CHRM3: variants seen among roughly 807,000 people sequenced by gnomAD.
CHRM3 encodes the protein muscarinic acetylcholine receptor M3.
A neutral mutation model predicts 41.8 loss-of-function variants in CHRM3; 11 were observed. The observed-to-expected ratio is 0.26, with a 90% confidence interval of 0.17 to 0.44. The LOEUF is 0.44. CHRM3 is among the 20% of genes least tolerant of loss of function. CHRM3 has a pLI of 1.00. For synonymous variants in CHRM3, 297 were observed against 301.4 expected, an observed-to-expected ratio of 0.99 and a Z score of 0.15; for missense variants, 571 against 745.4, an observed-to-expected ratio of 0.77 and a Z score of 2.72.
At position 239,910,442 on chromosome 1, in the gene CHRM3, A is replaced by G. The variant is rs1324848976; in HGVS notation, c.*1218A>G. 6.0e-6 allele frequency: 1 copy of G among 166,552 alleles called. No homozygotes were observed. The highest frequency in any genetic ancestry group is 2.4e-5 in the African/African-American group (1 of 41,312). The allele number at this position is 166,552 out of a possible 1,614,324, so 10.3% of individuals were successfully genotyped here. On this transcript the variant is annotated 3_prime_UTR_variant, in exon 7 of 7. Transcript: ENST00000676153. ...GAAAATAGGGCTTGCACCTTTGTTA[A>G]TCAGCTGTGGCCAGTGCTTTCTGGT...
At chr1:239,688,099 T>G (rs983478131) in intron 5 of CHRM3, among the ~76,000 whole-genome samples, 3 of 151,886 alleles carry the variant, frequency 2.0e-5, no homozygotes, top group African/African-American at 7.2e-5. Flanking sequence ...GGAGTTTTGA[T>G]ACTTTGTTAC....
chr1:239,486,833 G>A (rs540486527), intron 1 of CHRM3, among the ~76,000 whole-genome samples: 21 of 152,252 alleles, frequency 1.4e-4, no homozygotes, highest in Admixed American at 8.5e-4. Flanking sequence ...CTACTGCTGC[G>A]TACGGTAATG....
chr1:239,706,527 T>A (rs1661178544), intron 5 of CHRM3: 1 of 152,136 alleles, frequency 6.6e-6, no homozygotes, highest in South Asian at 2.1e-4. Flanking sequence ...CTCTCGGCAC[T>A]GCCCCCTCTT....
intron 4 of CHRM3, among the ~76,000 whole-genome samples, chr1:239,653,467 G>A (rs1405416508): frequency 6.6e-6 from 1 of 152,122 alleles, no homozygotes; most frequent in African/African-American, 2.4e-5. Context: ...CTTCAGAAGG[G>A]CCTGACTGAA....
At chr1:239,770,149 A>C (rs1572236791) in intron 5 of CHRM3, among the ~76,000 whole-genome samples, 1 of 152,220 alleles carries the variant, frequency 6.6e-6, no homozygotes, top group Non-Finnish European at 1.5e-5. Context: ...AGTACAGCCG[A>C]CCTATGGTAT....
At chr1:239,403,423 C>A (rs1253494334) in intron 1 of CHRM3, among the ~76,000 whole-genome samples, 1 of 152,166 alleles carries the variant, frequency 6.6e-6, no homozygotes, top group African/African-American at 2.4e-5. Context: ...TTGATGATGA[C>A]AAAATAGTTT....
chr1:239,535,531 C>G (rs1658109195), intron 2 of CHRM3, among the ~76,000 whole-genome samples: 1 of 149,872 alleles, frequency 6.7e-6, no homozygotes, highest in African/African-American at 2.5e-5. Context: ...TTTTGGCACC[C>G]CATACCTACA....
chr1:239,673,477 G>T (rs759620012), intron 4 of CHRM3, among the ~76,000 whole-genome samples: 1 of 151,888 alleles, frequency 6.6e-6, no homozygotes, highest in Non-Finnish European at 1.5e-5. Context: ...AAATAATATT[G>T]TATATGCTGG....
chr1:239,819,789 A>G (rs907337782), intron 5 of CHRM3, among the ~76,000 whole-genome samples: 2 of 152,212 alleles, frequency 1.3e-5, no homozygotes, highest in African/African-American at 4.8e-5. Context: ...AGCACAGAGC[A>G]GACGAGAGGT....
In CHRM3 at chr1:239,449,753, T is replaced by TGTGCGC. The variant is rs58076099; in HGVS notation, c.-520-42955_-520-42954insTGCGCG. On this transcript the variant is annotated intron_variant, in intron 1 of 6. Transcript: ENST00000676153. ...ATTCTGGTGTGTGTGTGTGTGTGTG[T>TGTGCGC]GCGTGTGTGTGTATGCATGTTGTGG... is the stretch of plus-strand genomic sequence containing the variant. Among the ~76,000 whole-genome samples, 157 of 151,694 alleles carry TGTGCGC rather than the reference T, an allele frequency of 1.0e-3. 1 individual carries two copies. Among genetic ancestry groups the TGTGCGC allele is most frequent in the African/African-American group, 3.8e-3 (155 of 41,256 alleles).
At chr1:239,533,731 CA>C (rs61441846) in intron 2 of CHRM3, among the ~76,000 whole-genome samples, 386 of 37,070 alleles carry the variant, frequency 0.01, 2 homozygotes, top group African/African-American at 0.028. Flanking sequence ...AACTCTGTCT[CA>C]AAAAAAAAAA....
chr1:239,881,108 C>A (rs535727279), intron 6 of CHRM3, among the ~76,000 whole-genome samples: 1 of 151,594 alleles, frequency 6.6e-6, no homozygotes, highest in East Asian at 2.0e-4. Context: ...ACGGTGAAAC[C>A]CCGTCTCTAC....
In CHRM3 at chr1:239,657,395, TGA is replaced by T. The variant is rs532999571; in HGVS notation, c.-249-20784_-249-20783del. ...ATGTTCCAGGTAATTTACCTGAAAC[TGA>T]GAGAGACCAAAGAACAAAAACTGAG... On this transcript the variant is annotated intron_variant, in intron 4 of 6. Coordinates refer to ENST00000676153, the MANE Select transcript of CHRM3 (RefSeq NM_001375978.1). Among the ~76,000 whole-genome samples the T allele has an allele frequency of 3.3e-3, 500 of 152,300 alleles. 1 individual carries two copies. Among genetic ancestry groups the T allele is most frequent in the African/African-American group, 0.012 (481 of 41,572 alleles).
chr1:239,591,193 T>C (rs1664109370), intron 3 of CHRM3, among the ~76,000 whole-genome samples: 2 of 152,190 alleles, frequency 1.3e-5, no homozygotes, highest in African/African-American at 2.4e-5. Context: ...ACCTTCCTCA[T>C]TGTAGTTGGT....
chr1:239,738,023 A>C (rs1395318318), intron 5 of CHRM3, among the ~76,000 whole-genome samples: 1 of 152,196 alleles, frequency 6.6e-6, no homozygotes, highest in Non-Finnish European at 1.5e-5. Context: ...ACAACAAAAA[A>C]CTGAAATAAT....
intron 5 of CHRM3, among the ~76,000 whole-genome samples, chr1:239,746,885 G>A (rs768452457): frequency 1.3e-5 from 2 of 152,100 alleles, no homozygotes; most frequent in South Asian, 2.1e-4. Flanking sequence ...AGCCTCCCGA[G>A]TAGCTGGGAC....
At chr1:239,875,433 T>C (rs1677036801) in intron 6 of CHRM3, among the ~76,000 whole-genome samples, 1 of 152,234 alleles carries the variant, frequency 6.6e-6, no homozygotes. Context: ...TGTATGGATA[T>C]GGAAATTTGA....
chr1:239,806,442 A>ACC (rs34217551), intron 5 of CHRM3, among the ~76,000 whole-genome samples: 2 of 148,910 alleles, frequency 1.3e-5, no homozygotes, highest in South Asian at 2.1e-4. Context: ...ACACACACAC[A>ACC]CCCCTGTGGA....
chr1:239,741,493 A>G (rs1664844604), intron 5 of CHRM3, among the ~76,000 whole-genome samples: 2 of 152,164 alleles, frequency 1.3e-5, no homozygotes, highest in African/African-American at 4.8e-5. Context: ...GGGCAGGAGA[A>G]GGTCAGAGAG....
Sources: allele counts gnomAD v4.1 joint callset (sites outside exome capture counted in the v4.1 genomes callset), GRCh38; gene constraint gnomAD v4.1.1; transcripts MANE v1.5; gene names NCBI Gene and HGNC (gene_info 2026-07-23, HGNC 2026-07-21).